C1D: variants seen among roughly 807,000 people sequenced by gnomAD.
C1D encodes nuclear nucleic acid-binding protein C1D.
C1D carries 10 observed loss-of-function variants against 17.5 expected under a neutral mutation model. The ratio of observed to expected loss-of-function variants is 0.57; its 90% CI spans 0.35 to 0.97. The LOEUF is 0.97. Ranked by LOEUF, C1D falls within the 50% of genes least tolerant of loss-of-function variation. The pLI, the probability that C1D is intolerant of heterozygous loss-of-function variation, is 0.01. For synonymous variants in C1D, 49 were observed against 54.0 expected (o/e 0.91, Z 0.40); for missense variants, 136 against 160.1 (o/e 0.85, Z 0.81).
intron 2 of C1D, chr2:68,046,669 G>A (rs1671131208): frequency 2.7e-6 from 1 of 373,790 alleles, no homozygotes; most frequent in African/African-American, 2.1e-5. Flanking sequence ...CATAACCCAA[G>A]AAAAATTCTT....
chr2:68,058,604 A>G (rs937891231), intron 1 of C1D, among the ~76,000 whole-genome samples: 2 of 152,298 alleles, frequency 1.3e-5, no homozygotes, highest in African/African-American at 4.8e-5. Flanking sequence ...ACTCAAATCG[A>G]ATGGAGGAGG....
chr2:68,054,289 A>G lies in C1D; in HGVS notation c.-9-6970T>C, dbSNP rs137951331. ...TTTAGCTGGAGAACAGAAGCATCAG[A>G]GGAGTTACCCTTTGCACCAGTCAGG... On this transcript the variant is annotated intron_variant, in intron 1 of 4. Transcript: ENST00000410067. 6.6e-5 allele frequency among the ~76,000 whole-genome samples: 10 copies of G among 152,320 alleles called. No individual in the cohort carries two copies. In the East Asian group the frequency reaches 1.9e-3, roughly 29 times the overall value.
chr2:68,048,910 A>G (rs1671206462), intron 1 of C1D, among the ~76,000 whole-genome samples: 1 of 152,186 alleles, frequency 6.6e-6, no homozygotes, highest in Non-Finnish European at 1.5e-5. Flanking sequence ...CTAAAGAGCA[A>G]ATTGGGCTGG....
chr2:68,042,811 G>GCC lies in C1D; in HGVS notation c.*76_*77dup. On this transcript the variant is annotated 3_prime_UTR_variant, in exon 5 of 5. Coordinates refer to ENST00000410067, the MANE Select transcript of C1D (RefSeq NM_173177.3). ...AAGAAACACATTTAAACCTTGCCCT[G>GCC]CCACAGAATTATTTTGCGGGGGGGG... 1 of 675,276 alleles carries GCC rather than the reference G, an allele frequency of 1.5e-6. No homozygotes were observed. The highest frequency in any genetic ancestry group is 2.5e-6 in the Non-Finnish European group (1 of 399,458). The allele number at this position is 675,276 out of a possible 1,614,324, so 41.8% of individuals were successfully genotyped here.
At chr2:68,051,197 T>C (rs1671270833) in intron 1 of C1D, among the ~76,000 whole-genome samples, 1 of 152,164 alleles carries the variant, frequency 6.6e-6, no homozygotes, top group Non-Finnish European at 1.5e-5. Flanking sequence ...TTCCAAAGGC[T>C]TGCCACCTCA....
intron 1 of C1D, among the ~76,000 whole-genome samples, chr2:68,054,977 T>A (rs1471383223): frequency 6.2e-4 from 88 of 142,360 alleles, no homozygotes; most frequent in African/African-American, 2.4e-3. Flanking sequence ...TTCTTTTTTT[T>A]TTAAAAAAAA....
chr2:68,051,451 A>AGTTTC (rs956540536), intron 1 of C1D, among the ~76,000 whole-genome samples: 1 of 152,188 alleles, frequency 6.6e-6, no homozygotes, highest in Admixed American at 6.5e-5. Context: ...TGAGCCTAGG[A>AGTTTC]GTTCAAGACC....
rs144352046 is a variant in C1D at position 68,043,216 on chromosome 2, C to T, written c.262-163G>A. Among the ~76,000 whole-genome samples, 336 of 152,260 alleles carry T rather than the reference C, an allele frequency of 2.2e-3. 1 individual carries two copies. The highest frequency in any genetic ancestry group is 6.9e-3 in the African/African-American group (288 of 41,562). On this transcript the variant is annotated intron_variant, in intron 4 of 4. Coordinates refer to ENST00000410067, the MANE Select transcript of C1D (RefSeq NM_173177.3). Reference sequence around the variant, plus strand: ...ATGAATAGGATAAATACGCTCCCTGCTTGCCTGGAGTTCATAGTCGGAGGG... The same window carrying T: ...ATGAATAGGATAAATACGCTCCCTGTTTGCCTGGAGTTCATAGTCGGAGGG...
At chr2:68,052,386 AAAAC>A (rs1371295343) in intron 1 of C1D, among the ~76,000 whole-genome samples, 1 of 151,664 alleles carries the variant, frequency 6.6e-6, no homozygotes, top group Non-Finnish European at 1.5e-5. Flanking sequence ...TTTTTAATAA[AAAAC>A]AAATAAAGGC....
At chr2:68,061,777 T>C (rs993887025) in intron 1 of C1D, among the ~76,000 whole-genome samples, 4 of 152,256 alleles carry the variant, frequency 2.6e-5, no homozygotes, top group Admixed American at 6.5e-5. Flanking sequence ...GTAGCTGAGA[T>C]AATACATATG....
intron 1 of C1D, among the ~76,000 whole-genome samples, chr2:68,060,429 G>A (rs1036110485): frequency 6.6e-6 from 1 of 152,176 alleles, no homozygotes; most frequent in Non-Finnish European, 1.5e-5. Context: ...ATCACCTGAG[G>A]TCAGGGGTTC....
chr2:68,048,290 G>A (rs907140686), intron 1 of C1D, among the ~76,000 whole-genome samples: 1 of 152,036 alleles, frequency 6.6e-6, no homozygotes, highest in East Asian at 1.9e-4. Context: ...AATTTTTTTT[G>A]TATTAACAGA....
intron 1 of C1D, 75 bp from the exon 2 acceptor site, chr2:68,047,394 T>C: frequency 8.8e-7 from 1 of 1,137,754 alleles, no homozygotes. Context: ...AAAAAATCAA[T>C]AGGTCATATC....
At position 68,041,236 on chromosome 2, in the gene C1D, C is replaced by A. The variant is rs1397573011; in HGVS notation, c.*1653G>T. 6.6e-6 allele frequency: 1 copy of A among 151,976 alleles called. No individual in the cohort carries two copies. The highest frequency in any genetic ancestry group is 1.5e-5 in the Non-Finnish European group (1 of 67,852). 9.4% of individuals were successfully genotyped at this position (151,976 alleles called of 1,614,324 possible). ...TACCTAATAATGAAAGAATTACTCA[C>A]TTAAAAGTTACACAATTTAACAGAA... On this transcript the variant is annotated 3_prime_UTR_variant, in exon 5 of 5. Transcript: ENST00000410067.
At position 68,046,697 on chromosome 2, in the gene C1D, C is replaced by T. The variant is rs138730888; in HGVS notation, c.139-287G>A. The T allele has an allele frequency of 1.4e-3, 470 of 330,624 alleles. 4 individuals carry two copies. Among genetic ancestry groups the T allele is most frequent in the African/African-American group, 8.9e-3 (417 of 46,840 alleles). 20.5% of individuals were successfully genotyped at this position (330,624 alleles called of 1,614,324 possible). ...AAATTCTTTTGAATTATTTTAATTT[C>T]GGGAGTTACGATCTGGGCTTTGTAA... is the stretch of plus-strand genomic sequence containing the variant. On this transcript the variant is annotated intron_variant, in intron 2 of 4. Coordinates refer to ENST00000410067, the MANE Select transcript of C1D (RefSeq NM_173177.3).
intron 1 of C1D, among the ~76,000 whole-genome samples, chr2:68,053,760 C>T (rs1671353132): frequency 6.6e-6 from 1 of 152,194 alleles, no homozygotes; most frequent in Non-Finnish European, 1.5e-5. Context: ...AGAGCTGTGG[C>T]CATGATGGCA....
chr2:68,048,654 T>C (rs924334085), intron 1 of C1D, among the ~76,000 whole-genome samples: 1 of 152,186 alleles, frequency 6.6e-6, no homozygotes, highest in Non-Finnish European at 1.5e-5. Context: ...CTATTACTAC[T>C]TGAGTTGTGA....
chr2:68,057,205 T>A (rs988930810), intron 1 of C1D, among the ~76,000 whole-genome samples: 5 of 152,220 alleles, frequency 3.3e-5, no homozygotes, highest in African/African-American at 1.2e-4. Context: ...CAGGTTGGAG[T>A]GCAGTGGTGC....
chr2:68,055,705 T>G (rs1015441401), intron 1 of C1D, among the ~76,000 whole-genome samples: 1 of 152,144 alleles, frequency 6.6e-6, no homozygotes, highest in Non-Finnish European at 1.5e-5. Flanking sequence ...ATAAGAAAAT[T>G]TCCCTGTCTT....
Sources: gnomAD v4.1 joint callset for allele counts (sites outside exome capture counted in the v4.1 genomes callset) on GRCh38, gnomAD v4.1.1 for gene constraint, MANE v1.5 for transcripts, NCBI Gene and HGNC (gene_info 2026-07-23, HGNC 2026-07-21) for gene names.